The following DSN1 variants were observed in gnomAD, a reference collection of about 807,000 sequenced individuals.
DSN1 encodes the protein DSN1 component of MIS12 kinetochore complex, also known as kinetochore-associated protein DSN1 homolog.
In DSN1, 31 loss-of-function variants were observed where a neutral mutation model predicts 45.7. That is an observed-to-expected ratio of 0.68 (90% CI 0.51 to 0.92). DSN1 has a LOEUF of 0.92. DSN1 is among the 40% of genes least tolerant of loss of function. The pLI is 0.00. For synonymous variants in DSN1, 134 were observed against 142.3 expected, an observed-to-expected ratio of 0.94 and a Z score of 0.41; for missense variants, 394 against 414.2, an observed-to-expected ratio of 0.95 and a Z score of 0.42.
At chr20:36,766,703 T>C (rs1412759668) in intron 5 of DSN1, 66 bp downstream of exon 5, 2 of 1,353,592 alleles carry the variant, frequency 1.5e-6, no homozygotes, top group East Asian at 2.3e-5. Flanking sequence ...CTTCTGTAAA[T>C]GGGGATGCTG....
At chr20:36,754,349 A>C (rs78743674) in intron 10 of DSN1, among the ~76,000 whole-genome samples, 6 of 151,144 alleles carry the variant, frequency 4.0e-5, no homozygotes, top group Middle Eastern at 3.4e-3. Flanking sequence ...CCCCCAGCCC[A>C]AAAAAAAAGT....
chr20:36,772,352 A>G (rs1209376475), intron 1 of DSN1, among the ~76,000 whole-genome samples: 2 of 151,170 alleles, frequency 1.3e-5, no homozygotes, highest in African/African-American at 4.9e-5. Context: ...GCAGTGGCGC[A>G]GTCTCGGCTC....
Position 36,758,626 on chromosome 20 carries a change from CAG to C in DSN1, c.591-11_591-10del. ...AAAAATCTGATGCTTTTCTGGAAAA[CAG>C]ATAGGATTATGACATAAATCTTTCA... is the stretch of plus-strand genomic sequence containing the variant. On this transcript the variant is annotated splice_polypyrimidine_tract_variant and intron_variant, in intron 6 of 10. Transcript: ENST00000373750. 1 of 1,609,242 alleles carries C rather than the reference CAG, an allele frequency of 6.2e-7. No individual in the cohort carries two copies. The highest frequency in any genetic ancestry group is 1.1e-5 in the South Asian group (1 of 90,570).
chr20:36,755,973 TGTTTGTTTGTTTG>T, intron 8 of DSN1, 144 bp from the exon 9 acceptor site: 1 of 915,566 alleles, frequency 1.1e-6, no homozygotes, highest in Non-Finnish European at 1.6e-6. Context: ...GGTTTTTTTT[TGTTTGTTTGTTTG>T]TTTTTGAGAT....
At chr20:36,762,378 GGGA>G in intron 6 of DSN1, 80 bp downstream of exon 6, 8 of 1,273,156 alleles carry the variant, frequency 6.3e-6, no homozygotes, top group Admixed American at 2.3e-5. Context: ...CCAAAGTGCT[GGGA>G]TTACAGGCCT....
intron 6 of DSN1, among the ~76,000 whole-genome samples, chr20:36,759,016 T>TC (rs1191505062): frequency 7.2e-6 from 1 of 139,402 alleles, no homozygotes; most frequent in East Asian, 2.2e-4. Flanking sequence ...GGAGTCTCGC[T>TC]TTGTCACCCA....
intron 5 of DSN1, among the ~76,000 whole-genome samples, chr20:36,764,044 T>C (rs1364876188): frequency 1.3e-5 from 2 of 151,898 alleles, no homozygotes; most frequent in African/African-American, 4.8e-5. Flanking sequence ...CAAGACCCCA[T>C]GTCTACAAAA....
Position 36,758,071 on chromosome 20 carries a change from A to G in DSN1, c.725+16T>C. 6.2e-7 allele frequency: 1 copy of G among 1,610,486 alleles called. No individual in the cohort carries two copies. Among genetic ancestry groups the G allele is most frequent in the Non-Finnish European group, 8.5e-7 (1 of 1,177,288 alleles). On this transcript the variant is annotated intron_variant, in intron 8 of 10. Transcript: ENST00000373750. ...CATAAGATTTTTAAAGAGTTTTTAC[A>G]GTTCATAGATCTAACCTGGACAATA...
intron 6 of DSN1, among the ~76,000 whole-genome samples, chr20:36,761,283 C>T (rs563300688): frequency 1.3e-5 from 2 of 152,100 alleles, no homozygotes; most frequent in African/African-American, 4.8e-5. Context: ...AAGTTGCCCA[C>T]CCCCTCAAGT....
Position 36,762,429 on chromosome 20 carries a change from A to C in DSN1, c.590+32T>G, listed in dbSNP as rs1454697794. ...CCCGGCCTAAAGTCCTAATTCAATCATAATTTAGGACAGAAGGGGAACTGC... is the reference window on the plus strand; with the variant it reads ...CCCGGCCTAAAGTCCTAATTCAATCCTAATTTAGGACAGAAGGGGAACTGC... On this transcript the variant is annotated intron_variant, in intron 6 of 10. Transcript: ENST00000373750. 4 of 1,591,028 alleles carry C rather than the reference A, an allele frequency of 2.5e-6. 1 individual carries two copies. In the South Asian group the frequency reaches 4.5e-5, roughly 18 times the overall value.
chr20:36,773,670 C>T lies in DSN1; in HGVS notation c.-24G>A, dbSNP rs1987769134. The T allele has an allele frequency of 1.2e-5, 12 of 985,596 alleles. No homozygotes were observed. Among genetic ancestry groups the T allele is most frequent in the Non-Finnish European group, 1.3e-5 (11 of 830,140 alleles). 61.1% of individuals were successfully genotyped at this position (985,596 alleles called of 1,614,324 possible). A position where few individuals can be genotyped will look rare whatever the true frequency, so the allele number is the denominator to read the frequency against. ...GTCCGGAACCTCCGTACCTGAAACA[C>T]AAGGCCACGGGTCGCTCTCCACAGC... is the stretch of plus-strand genomic sequence containing the variant. On this transcript the variant is annotated 5_prime_UTR_variant, in exon 1 of 11. In the 5' UTR this introduces an upstream ATG that the reference lacks. Coordinates refer to ENST00000373750, the MANE Select transcript of DSN1 (RefSeq NM_001145315.2).
rs1568690133 is a variant in DSN1 at position 36,758,557 on chromosome 20, C to T, written c.650+1G>A. The T allele has an allele frequency of 1.9e-6, 3 of 1,600,994 alleles. No individual in the cohort carries two copies. The highest frequency in any genetic ancestry group is 2.6e-6 in the Non-Finnish European group (3 of 1,176,394). On this transcript the variant is annotated splice_donor_variant, in intron 7 of 10. Transcript: ENST00000373750. LOFTEE classifies it high-confidence loss of function. Reference sequence around the variant, plus strand: ...AGATTTTCTAACAAAGGTTAACTTACTTTGTTATGTATTCCTTCATCTCAG... The same window carrying T: ...AGATTTTCTAACAAAGGTTAACTTATTTTGTTATGTATTCCTTCATCTCAG...
chr20:36,765,999 C>G (rs1029800679), intron 5 of DSN1, among the ~76,000 whole-genome samples: 50 of 150,902 alleles, frequency 3.3e-4, no homozygotes, highest in Non-Finnish European at 6.9e-4. Flanking sequence ...TAGAAACCAG[C>G]CTGGCCAACA....
At chr20:36,768,119 C>T in intron 3 of DSN1, 77 bp from the exon 4 acceptor site, 1 of 1,420,042 alleles carries the variant, frequency 7.0e-7, no homozygotes, top group South Asian at 1.2e-5. Flanking sequence ...AAAATGTCCT[C>T]CCTCTTGATA....
In DSN1 at chr20:36,773,642, C is replaced by T; in HGVS notation, c.-16+20G>A. On this transcript the variant is annotated intron_variant, in intron 1 of 10. Transcript: ENST00000373750. ...AAGTCTGTGACTTCCTGACGCCCGT[C>T]CAGTCCGGAACCTCCGTACCTGAAA... The T allele has an allele frequency of 2.0e-6, 2 of 985,636 alleles. No homozygotes were observed. The highest frequency in any genetic ancestry group is 2.4e-6 in the Non-Finnish European group (2 of 830,062). The allele number at this position is 985,636 out of a possible 1,614,324, so 61.1% of individuals were successfully genotyped here.
At chr20:36,767,149 CA>C (rs1310441533) in intron 4 of DSN1, among the ~76,000 whole-genome samples, 2 of 151,098 alleles carry the variant, frequency 1.3e-5, no homozygotes, top group South Asian at 2.1e-4. Flanking sequence ...ACTAAAAATA[CA>C]AAAAAAATTA....
At chr20:36,766,715 G>T (rs1987359232) in intron 5 of DSN1, 54 bp downstream of exon 5, 1 of 1,475,210 alleles carries the variant, frequency 6.8e-7, no homozygotes, top group African/African-American at 1.4e-5. Context: ...GGGATGCTGT[G>T]AGCAAAGCTT....
chr20:36,757,360 A>C (rs1986729821), intron 8 of DSN1, among the ~76,000 whole-genome samples: 1 of 151,212 alleles, frequency 6.6e-6, no homozygotes, highest in Non-Finnish European at 1.5e-5. Context: ...CAAACAAAAA[A>C]ACAACAAAAA....
intron 9 of DSN1, 44 bp downstream of exon 9, chr20:36,755,638 G>A: frequency 6.3e-7 from 1 of 1,590,364 alleles, no homozygotes. Flanking sequence ...ATTACAAGGT[G>A]GCAAAGCTGG....
Sources: gnomAD v4.1 joint callset for allele counts (sites outside exome capture counted in the v4.1 genomes callset) on GRCh38, gnomAD v4.1.1 for gene constraint, MANE v1.5 for transcripts, NCBI Gene and HGNC (gene_info 2026-07-23, HGNC 2026-07-21) for gene names.